Variants in ZNF536 observed in about 807,000 individuals in gnomAD.
ZNF536 encodes zinc finger protein 536.
ZNF536 carries 13 observed loss-of-function variants against 84.5 expected under a neutral mutation model. That is an observed-to-expected ratio of 0.15 (90% CI 0.10 to 0.24). ZNF536 has a LOEUF of 0.24. Among genes scored for constraint, ZNF536 ranks in the 10% least tolerant of loss-of-function variants. The pLI is 1.00. For missense variants in ZNF536, 1,536 were observed against 1,747.5 expected, an observed-to-expected ratio of 0.88 and a Z score of 2.16; for synonymous variants, 811 against 742.5, an observed-to-expected ratio of 1.09 and a Z score of -1.50.
At chr19:30,313,716 GC>G (rs1179633170) in intron 2 of ZNF536, among the ~76,000 whole-genome samples, 1 of 152,174 alleles carries the variant, frequency 6.6e-6, no homozygotes, top group Non-Finnish European at 1.5e-5. Flanking sequence ...TCCCTGAGAA[GC>G]CCAGGCCAAG....
chr19:30,334,563 C>G (rs758316111), intron 2 of ZNF536, among the ~76,000 whole-genome samples: 4 of 152,172 alleles, frequency 2.6e-5, no homozygotes, highest in Non-Finnish European at 1.5e-5. Flanking sequence ...CTCCATGACA[C>G]AATTTGAAGA....
intron 1 of ZNF536, among the ~76,000 whole-genome samples, chr19:30,635,933 C>CG (rs2049049002): frequency 6.6e-6 from 1 of 152,214 alleles, no homozygotes; most frequent in Admixed American, 6.5e-5. Flanking sequence ...AGGCTCTCCC[C>CG]GGGTACTCCA....
chr19:30,516,677 G>T (rs2044088821), intron 2 of ZNF536, among the ~76,000 whole-genome samples: 1 of 152,198 alleles, frequency 6.6e-6, no homozygotes, highest in African/African-American at 2.4e-5. Context: ...GGTACTCTTG[G>T]TAAGTAGGCT....
At chr19:30,560,429 C>T (rs1198337910), downstream of ZNF536, among the ~76,000 whole-genome samples, 1 of 152,160 alleles carries the variant, frequency 6.6e-6, no homozygotes, top group African/African-American at 2.4e-5. Context: ...CCACCTTCCC[C>T]CAAGCCACCA....
At chr19:30,456,418 T>A (rs1411903913) in intron 2 of ZNF536, among the ~76,000 whole-genome samples, 1 of 150,524 alleles carries the variant, frequency 6.6e-6, no homozygotes, top group Non-Finnish European at 1.5e-5. Flanking sequence ...TTTCCTTAGG[T>A]GTGTTGCCTC....
At chr19:30,370,680 T>C (rs537694619), upstream of ZNF536, among the ~76,000 whole-genome samples, 17 of 152,314 alleles carry the variant, frequency 1.1e-4, no homozygotes, top group Admixed American at 9.1e-4. Context: ...ATTACATCAA[T>C]CATCAATATC....
chr19:30,395,818 A>G (rs1337645047), intron 1 of ZNF536, among the ~76,000 whole-genome samples: 1 of 152,110 alleles, frequency 6.6e-6, no homozygotes, highest in Non-Finnish European at 1.5e-5. Context: ...TTTTGTTTTC[A>G]TTATGTTTTT....
intron 2 of ZNF536, among the ~76,000 whole-genome samples, chr19:30,520,220 T>A (rs1449908335): frequency 1.3e-5 from 2 of 152,152 alleles, no homozygotes; most frequent in African/African-American, 4.8e-5. Flanking sequence ...TAGATCTCAT[T>A]GCAGTCCCAA....
intron 2 of ZNF536, among the ~76,000 whole-genome samples, chr19:30,319,303 C>A (rs2046782558): frequency 6.6e-6 from 1 of 152,080 alleles, no homozygotes; most frequent in Non-Finnish European, 1.5e-5. Context: ...TATTTGCTAC[C>A]AATGTGACTA....
intron 1 of ZNF536, among the ~76,000 whole-genome samples, chr19:30,256,312 T>G (rs2024915574): frequency 6.6e-6 from 1 of 152,246 alleles, no homozygotes; most frequent in South Asian, 2.1e-4. Context: ...TCATTTTTCC[T>G]GCGTGCAGTT....
Position 30,444,776 on chromosome 19 carries a change from C to G in ZNF536, c.1214C>G (p.Ser405Cys), listed in dbSNP as rs776145243. 6.2e-7 allele frequency: 1 copy of G among 1,613,930 alleles called. No individual in the cohort carries two copies. The highest frequency in any genetic ancestry group is 1.1e-5 in the South Asian group (1 of 91,080). Residue 405 changes from serine to cysteine, a missense_variant, in exon 2 of 5, where the codon TCC (serine) becomes TGC (cysteine). Around this residue, in one of 8 missense-constraint regions of ZNF536, gnomAD observed 366 missense variants for 364.4 expected, o/e 1.00. Transcript: ENST00000355537. The stretch of plus-strand genomic sequence containing the variant: ...AACAAGCTGTCGGTGAAGAACAAGT[C>G]CCCCAGCGACCCCGAGGTGCCTGTG... ...HLNKLSVKNK[S>C]PSDPEVPVPM... is the part of the protein sequence containing the mutation.
chr19:30,378,019 C>T (rs751227972), intron 1 of ZNF536, among the ~76,000 whole-genome samples: 3 of 152,172 alleles, frequency 2.0e-5, no homozygotes, highest in Non-Finnish European at 4.4e-5. Context: ...TCTTGTGCCC[C>T]TGAACAAGTG....
intron 1 of ZNF536, among the ~76,000 whole-genome samples, chr19:30,564,465 C>T (rs1348717206): frequency 6.6e-6 from 1 of 152,008 alleles, no homozygotes; most frequent in African/African-American, 2.4e-5. Context: ...TGGCAGGGAA[C>T]CTTTTCCGAA....
At chr19:30,323,012 C>G (rs2046908148) in intron 2 of ZNF536, among the ~76,000 whole-genome samples, 1 of 152,134 alleles carries the variant, frequency 6.6e-6, no homozygotes, top group Admixed American at 6.5e-5. Context: ...ACTGGAAGAC[C>G]CAGTCCTGAG....
intron 1 of ZNF536, among the ~76,000 whole-genome samples, chr19:30,261,163 T>C (rs1182491271): frequency 1.3e-5 from 2 of 149,694 alleles, no homozygotes; most frequent in Non-Finnish European, 3.0e-5. Context: ...CCGGGCGTAG[T>C]GGCGGGCGCC....
Position 30,322,669 on chromosome 19 carries a change from C to A in ZNF536, c.-119-29699C>A, listed in dbSNP as rs562551592. 1.1e-3 allele frequency among the ~76,000 whole-genome samples: 170 copies of A among 152,318 alleles called. 1 individual carries two copies. The highest frequency in any genetic ancestry group is 3.8e-3 in the African/African-American group (157 of 41,560). On this transcript the variant is annotated intron_variant, in intron 2 of 5. Coordinates refer to the ZNF536 transcript ENST00000585628. ...TCAATGCTTTGTAGCTGAAACAATG[C>A]ATGTTTTGGAGCTCACAGTAAGTTT...
intron 1 of ZNF536, among the ~76,000 whole-genome samples, chr19:30,417,914 A>AT (rs200132704): frequency 2.6e-5 from 4 of 151,192 alleles, no homozygotes; most frequent in African/African-American, 4.9e-5. Context: ...ATGCCCAGCA[A>AT]TTTTTTTTTC....
At chr19:30,471,018 G>A (rs1436693085) in intron 2 of ZNF536, among the ~76,000 whole-genome samples, 1 of 146,566 alleles carries the variant, frequency 6.8e-6, no homozygotes, top group African/African-American at 2.6e-5. Context: ...ATTGGGTCTC[G>A]CTATGTTGCC....
At chr19:30,490,925 C>T (rs1248751673) in intron 2 of ZNF536, among the ~76,000 whole-genome samples, 2 of 152,154 alleles carry the variant, frequency 1.3e-5, no homozygotes, top group Non-Finnish European at 2.9e-5. Context: ...TTGGAGAAAG[C>T]TGTCTTTAGG....
Sources: allele counts gnomAD v4.1 joint callset (sites outside exome capture counted in the v4.1 genomes callset), GRCh38; gene constraint gnomAD v4.1.1; regional missense constraint gnomAD v4.1.1; transcripts MANE v1.5; gene names NCBI Gene and HGNC (gene_info 2026-07-23, HGNC 2026-07-21).